The following CSMD2 variants were observed in gnomAD, a reference collection of about 807,000 sequenced individuals.
CSMD2 encodes the protein CUB and sushi domain-containing protein 2.
Under a neutral mutation model 398.5 loss-of-function variants are expected in CSMD2, and 130 were observed. That is an observed-to-expected ratio of 0.33 (90% confidence interval 0.28 to 0.38). CSMD2 has a LOEUF of 0.38. CSMD2 is among the 10% of genes least tolerant of loss of function. The pLI is 1.00. For missense variants in CSMD2, 3,829 were observed against 4,764.9 expected, an observed-to-expected ratio of 0.80 and a Z score of 5.78; for synonymous variants, 1,828 against 1,908.5, an observed-to-expected ratio of 0.96 and a Z score of 1.10.
chr1:33,808,447 A>T (rs1656480435), intron 10 of CSMD2, among the ~76,000 whole-genome samples: 1 of 152,150 alleles, frequency 6.6e-6, no homozygotes. Flanking sequence ...TAGGAAAGAG[A>T]GAGTTACAAA....
chr1:34,125,668 C>T (rs953309112), intron 1 of CSMD2, among the ~76,000 whole-genome samples: 1 of 152,138 alleles, frequency 6.6e-6, no homozygotes, highest in Admixed American at 6.5e-5. Context: ...TTACTAGTTA[C>T]TGAAGTTATT....
In CSMD2 at chr1:33,792,470, C is replaced by T. The variant is rs1294005921; in HGVS notation, c.1503G>A (p.Thr501=). 26 of 1,613,848 alleles carry T rather than the reference C, an allele frequency of 1.6e-5. No individual in the cohort carries two copies. The highest frequency in any genetic ancestry group is 2.2e-5 in the East Asian group (1 of 44,874). ...FDLERGYDTL[T]VGDGGQDGDQ... ...CCCCATCCTGACCACCATCACCGAC[C>T]GTCAGGGTGTCATAGCCCCTCTCCA... Residue 501 remains threonine, a synonymous_variant, in exon 11 of 71, where the codon ACG becomes ACA. Coordinates refer to ENST00000373381, the MANE Select transcript of CSMD2 (RefSeq NM_001281956.2).
rs1310017385 is a variant in CSMD2, at chr1:33,635,371, G to A, written c.4970-41C>T. On this transcript the variant is annotated intron_variant, in intron 30 of 70. Coordinates refer to ENST00000373381, the MANE Select transcript of CSMD2 (RefSeq NM_001281956.2). This position sits in a 1 kb window ranked among gnomAD's most constrained non-coding sequence, Gnocchi z 5.0. ...GATAGAGAGTCAGGTGACCTTGTGG[G>A]CCTCTTACCAGTGACCATCCTCTGT... 24 of 1,249,040 alleles carry A rather than the reference G, an allele frequency of 1.9e-5. No individual in the cohort carries two copies. Among genetic ancestry groups the A allele is most frequent in the Non-Finnish European group, 2.8e-5 (24 of 854,960 alleles). The allele number at this position is 1,249,040 out of a possible 1,614,324, so 77.4% of individuals were successfully genotyped here.
At chr1:33,676,981 A>G (rs1390836899) in intron 25 of CSMD2, among the ~76,000 whole-genome samples, 4 of 152,244 alleles carry the variant, frequency 2.6e-5, no homozygotes, top group Non-Finnish European at 5.9e-5. Context: ...AAAGACTTAC[A>G]TGTTAGACCT....
intron 44 of CSMD2, among the ~76,000 whole-genome samples, chr1:33,597,341 A>C (rs1639909730): frequency 6.6e-6 from 1 of 152,144 alleles, no homozygotes; most frequent in Non-Finnish European, 1.5e-5. Context: ...ATGGAATTCT[A>C]CAACTTTTTG....
chr1:33,678,349 T>C (rs969394634), intron 25 of CSMD2, among the ~76,000 whole-genome samples: 3 of 147,776 alleles, frequency 2.0e-5, no homozygotes, highest in Admixed American at 2.0e-4. Context: ...CATGCAAAAA[T>C]GAGAAAATAA....
In CSMD2 at chr1:34,128,006, T is replaced by C. The variant is rs1365087805; in HGVS notation, c.187+36905A>G. Among the ~76,000 whole-genome samples the C allele has an allele frequency of 3.3e-5, 5 of 152,174 alleles. No homozygotes were observed. In the East Asian group the frequency reaches 9.7e-4, roughly 30 times the overall value. On this transcript the variant is annotated intron_variant, in intron 1 of 70. Coordinates refer to ENST00000373381, the MANE Select transcript of CSMD2 (RefSeq NM_001281956.2). Reference sequence around the variant, plus strand: ...CTTCTCAGGCCAGCAAGACCTCCATTTGCCCCTTGGCTGCAGTTCTTGATT... The same window carrying C: ...CTTCTCAGGCCAGCAAGACCTCCATCTGCCCCTTGGCTGCAGTTCTTGATT...
chr1:34,165,633 C>T, upstream of CSMD2: 3 of 894,668 alleles, frequency 3.4e-6, no homozygotes, highest in Non-Finnish European at 5.5e-6. Context: ...CAGAGACACA[C>T]GCACTCACAC....
In CSMD2 at chr1:33,567,478, C is replaced by CATATATATATATATAT. The variant is rs774765893; in HGVS notation, c.8380+99_8380+114dup. 3.2e-3 allele frequency: 1,498 copies of CATATATATATATATAT among 469,154 alleles called. 7 individuals carry two copies. The highest frequency in any genetic ancestry group is 0.012 in the East Asian group (236 of 19,362). The allele number at this position is 469,154 out of a possible 1,614,324, so 29.1% of individuals were successfully genotyped here. ...CAGTTTTGAAAAAAAAAATAGCAATCATATATATATATATATATTTAAAAC... is the reference window on the plus strand; with the variant it reads ...CAGTTTTGAAAAAAAAAATAGCAATCATATATATATATATATATATATATATATATATATTTAAAAC... On this transcript the variant is annotated intron_variant, in intron 53 of 70. Transcript: ENST00000373381.
intron 2 of CSMD2, among the ~76,000 whole-genome samples, chr1:34,082,453 G>A (rs1657339113): frequency 1.3e-5 from 2 of 152,044 alleles, no homozygotes; most frequent in South Asian, 4.1e-4. Context: ...CATCTGAGAG[G>A]TGAGGGGCGC....
At chr1:33,706,283 T>C (rs900126969) in intron 22 of CSMD2, among the ~76,000 whole-genome samples, 1 of 152,234 alleles carries the variant, frequency 6.6e-6, no homozygotes, top group Non-Finnish European at 1.5e-5. Context: ...CTCTTTTTCA[T>C]TTCCTTATGA....
intron 43 of CSMD2, among the ~76,000 whole-genome samples, chr1:33,602,102 C>T (rs1288559859): frequency 1.3e-5 from 2 of 152,232 alleles, no homozygotes; most frequent in East Asian, 3.8e-4. Flanking sequence ...CTCCCATTAA[C>T]ACACCCACTG....
In CSMD2 at chr1:33,661,433, G is replaced by A. The variant is rs183370462; in HGVS notation, c.4255+1457C>T. Among the ~76,000 whole-genome samples the A allele has an allele frequency of 2.0e-5, 3 of 152,256 alleles. No homozygotes were observed. The East Asian group carries it at 5.8e-4, about 29-fold the overall frequency. On this transcript the variant is annotated intron_variant, in intron 26 of 70. Coordinates refer to ENST00000373381, the MANE Select transcript of CSMD2 (RefSeq NM_001281956.2). ...AAAAAAGTCATCCATGATGGAATATGTTTGGAAATTGTGGCCTACCAGACA... is the reference window on the plus strand; with the variant it reads ...AAAAAAGTCATCCATGATGGAATATATTTGGAAATTGTGGCCTACCAGACA...
At position 33,929,432 on chromosome 1, in the gene CSMD2, C is replaced by CTTTTTTTTTTTTTT. The variant is rs936900076; in HGVS notation, c.712+6314_712+6327dup. Reference sequence around the variant, plus strand: ...TCCTGAACTCAGAACCAAGCCTATACTTTTTTTTTTTTTTTTTTTTTTTGA... The same window carrying CTTTTTTTTTTTTTT: ...TCCTGAACTCAGAACCAAGCCTATACTTTTTTTTTTTTTTTTTTTTTTTTTTTTTTTTTTTTTGA... On this transcript the variant is annotated intron_variant, in intron 4 of 70. Transcript: ENST00000373381. Among the ~76,000 whole-genome samples, 20 of 100,666 alleles carry CTTTTTTTTTTTTTT rather than the reference C, an allele frequency of 2.0e-4. 3 individuals carry two copies. Among genetic ancestry groups the CTTTTTTTTTTTTTT allele is most frequent in the African/African-American group, 4.4e-4 (10 of 22,550 alleles). The allele number at this position is 100,666 out of a possible 152,430, so 66.0% of individuals were successfully genotyped here. A position where few individuals can be genotyped will look rare whatever the true frequency, so the allele number is the denominator to read the frequency against.
intron 3 of CSMD2, among the ~76,000 whole-genome samples, chr1:33,954,013 C>A (rs906108885): frequency 1.3e-5 from 2 of 152,098 alleles, no homozygotes; most frequent in Non-Finnish European, 2.9e-5. Flanking sequence ...AGTCCTTTCC[C>A]TCCCCAAGAC....
chr1:33,847,143 C>T (rs1638315905), intron 5 of CSMD2, 147 bp from the exon 6 acceptor site: 3 of 532,398 alleles, frequency 5.6e-6, no homozygotes, highest in Non-Finnish European at 9.9e-6. Flanking sequence ...GCCCCAGGCC[C>T]CTCCAGTACC....
intron 55 of CSMD2, among the ~76,000 whole-genome samples, chr1:33,551,819 A>G (rs2148632313): frequency 6.6e-6 from 1 of 152,326 alleles, no homozygotes; most frequent in East Asian, 1.9e-4. Flanking sequence ...ATGTTGAGCC[A>G]GGTTACATCC....
intron 6 of CSMD2, chr1:33,840,057 A>C (rs940148276): frequency 6.6e-6 from 1 of 152,258 alleles, no homozygotes; most frequent in Non-Finnish European, 1.5e-5. Flanking sequence ...TAACCACAGC[A>C]AAACTGAGAC....
chr1:33,671,702 G>A (rs1018238469), intron 25 of CSMD2, among the ~76,000 whole-genome samples: 6 of 152,212 alleles, frequency 3.9e-5, no homozygotes, highest in South Asian at 4.1e-4. Flanking sequence ...GCTGAGGCTA[G>A]TGTAAGGTTC....
Sources: gnomAD v4.1 joint callset for allele counts (sites outside exome capture counted in the v4.1 genomes callset) on GRCh38, gnomAD v4.1.1 for gene constraint, Gnocchi (gnomAD v3.1) non-coding constraint, MANE v1.5 for transcripts, NCBI Gene and HGNC (gene_info 2026-07-23, HGNC 2026-07-21) for gene names.